MYO5B: variants seen among roughly 807,000 people sequenced by gnomAD.
MYO5B encodes the protein unconventional myosin-Vb.
In MYO5B, 143 loss-of-function variants were observed where a neutral mutation model predicts 229.3. The observed-to-expected ratio is 0.62, with a 90% CI of 0.54 to 0.72. The LOEUF (loss-of-function observed/expected upper bound fraction) is 0.72, where lower values mean the gene tolerates loss of function less well. Among genes scored for constraint, MYO5B ranks in the 30% least tolerant of loss-of-function variants. The pLI, the probability that MYO5B is intolerant of heterozygous loss-of-function variation, is 0.00. For missense variants in MYO5B, 2,321 were observed against 2,331.0 expected, an observed-to-expected ratio of 1.00 and a Z score of 0.09; for synonymous variants, 918 against 885.2, an observed-to-expected ratio of 1.04 and a Z score of -0.66.
chr18:49,955,418 G>C (rs2025481757), intron 12 of MYO5B, among the ~76,000 whole-genome samples: 1 of 152,228 alleles, frequency 6.6e-6, no homozygotes, highest in African/African-American at 2.4e-5. Context: ...TTACTGACCA[G>C]TATCAGTCCA....
At chr18:49,917,673 T>C (rs2025032044) in intron 17 of MYO5B, among the ~76,000 whole-genome samples, 1 of 152,156 alleles carries the variant, frequency 6.6e-6, no homozygotes, top group African/African-American at 2.4e-5. Flanking sequence ...TCCATTCCAT[T>C]CCACATTAAT....
chr18:49,962,444 G>A (rs1568049341), intron 11 of MYO5B, 38 bp from the exon 12 acceptor site: 9 of 1,613,798 alleles, frequency 5.6e-6, no homozygotes, highest in Non-Finnish European at 7.6e-6. Flanking sequence ...TGAACTGCAG[G>A]CACACCTTAA....
chr18:50,004,341 A>T (rs1458979164), intron 4 of MYO5B, among the ~76,000 whole-genome samples: 1 of 152,238 alleles, frequency 6.6e-6, no homozygotes, highest in Non-Finnish European at 1.5e-5. Flanking sequence ...ATCAAGAGTT[A>T]TAAAAAGAAA....
chr18:50,037,025 C>T, intron 3 of MYO5B, 31 bp from the exon 4 acceptor site: 5 of 1,613,818 alleles, frequency 3.1e-6, no homozygotes, highest in Non-Finnish European at 4.2e-6. Context: ...CAGATTCCGA[C>T]AGCACAGAAG....
At chr18:50,157,726 G>C (rs1266878408) in intron 1 of MYO5B, among the ~76,000 whole-genome samples, 2 of 152,062 alleles carry the variant, frequency 1.3e-5, no homozygotes, top group Non-Finnish European at 2.9e-5. Flanking sequence ...ATTTTCACCA[G>C]TGCCCAGCAA....
chr18:49,897,146 G>C (rs913757128), intron 21 of MYO5B, among the ~76,000 whole-genome samples: 1 of 152,072 alleles, frequency 6.6e-6, no homozygotes, highest in African/African-American at 2.4e-5. Context: ...TTGTGGAGGC[G>C]GTGCATTTTC....
intron 4 of MYO5B, among the ~76,000 whole-genome samples, chr18:50,027,180 T>A (rs999565858): frequency 1.3e-5 from 2 of 152,240 alleles, no homozygotes; most frequent in African/African-American, 2.4e-5. Context: ...TAGCTTTTTT[T>A]AAATGAAAAT....
chr18:49,958,930 C>T (rs1028715154), intron 12 of MYO5B, among the ~76,000 whole-genome samples: 1 of 152,152 alleles, frequency 6.6e-6, no homozygotes, highest in African/African-American at 2.4e-5. Context: ...TGATCATTCA[C>T]ATCTGAACCC....
At chr18:49,984,884 GTGACCCA>G in intron 7 of MYO5B, 59 bp from the exon 8 acceptor site, 1 of 1,246,420 alleles carries the variant, frequency 8.0e-7, no homozygotes, top group Non-Finnish European at 1.2e-6. Flanking sequence ...CCCACAGATC[GTGACCCA>G]TGAAAATTCT....
chr18:49,947,488 T>C (rs147505605), intron 14 of MYO5B, among the ~76,000 whole-genome samples: 9 of 152,336 alleles, frequency 5.9e-5, no homozygotes, highest in African/African-American at 2.2e-4. Context: ...ATTTTTATTT[T>C]TTAATTGACG....
At chr18:49,853,697 A>C (rs775385443) in intron 30 of MYO5B, 50 bp from the exon 31 acceptor site, 2 of 1,555,498 alleles carry the variant, frequency 1.3e-6, no homozygotes, top group Non-Finnish European at 1.7e-6. Context: ...CAGGGCCCCC[A>C]TCTGAGGGGA....
intron 1 of MYO5B, among the ~76,000 whole-genome samples, chr18:50,139,732 C>T (rs142462037): frequency 3.7e-4 from 57 of 152,192 alleles, no homozygotes; most frequent in Non-Finnish European, 5.1e-4. Flanking sequence ...CCACATGTCC[C>T]GAGAAGATGC....
intron 1 of MYO5B, among the ~76,000 whole-genome samples, chr18:50,095,751 G>T (rs2031537893): frequency 6.6e-6 from 1 of 152,204 alleles, no homozygotes; most frequent in Non-Finnish European, 1.5e-5. Context: ...AATGACTACA[G>T]TGCAGGGAGC....
At chr18:49,844,652 T>C (rs1206449648) in intron 33 of MYO5B, among the ~76,000 whole-genome samples, 1 of 152,268 alleles carries the variant, frequency 6.6e-6, no homozygotes, top group Non-Finnish European at 1.5e-5. Context: ...GGCCATTTTA[T>C]AGGTCCAGCA....
chr18:50,151,226 T>A (rs1599060038), intron 1 of MYO5B, among the ~76,000 whole-genome samples: 1 of 152,360 alleles, frequency 6.6e-6, no homozygotes, highest in African/African-American at 2.4e-5. Flanking sequence ...GTACCAAGGC[T>A]TTGTAGTTCA....
At chr18:50,129,328 G>A (rs553354653) in intron 1 of MYO5B, among the ~76,000 whole-genome samples, 1 of 152,320 alleles carries the variant, frequency 6.6e-6, no homozygotes, top group East Asian at 1.9e-4. Flanking sequence ...CTCCTCAAGG[G>A]AACTTCAACA....
At position 49,904,798 on chromosome 18, in the gene MYO5B, C is replaced by T. The variant is rs372848572; in HGVS notation, c.2445G>A (p.Ala815=). ...RLAEHLRRIR[A]AVVLQKHYRM... Reference sequence around the variant, plus strand: ...GGTAATGTTTCTGGAGCACCACAGCCGCTCTGATCCTCCGCAGGTGCTCAG... The same window carrying T: ...GGTAATGTTTCTGGAGCACCACAGCTGCTCTGATCCTCCGCAGGTGCTCAG... Residue 815 remains alanine, a synonymous_variant, in exon 20 of 40, where the codon GCG becomes GCA. Coordinates refer to ENST00000285039, the MANE Select transcript of MYO5B (RefSeq NM_001080467.3). 4.3e-6 allele frequency: 7 copies of T among 1,613,896 alleles called. No homozygotes were observed. The highest frequency in any genetic ancestry group is 1.1e-5 in the South Asian group (1 of 91,088).
chr18:49,985,103 A>G (rs944563759), intron 7 of MYO5B, among the ~76,000 whole-genome samples: 1 of 152,226 alleles, frequency 6.6e-6, no homozygotes, highest in East Asian at 1.9e-4. Context: ...CATATACGTC[A>G]CAGACAATTC....
chr18:50,090,448 G>A (rs911329520), intron 1 of MYO5B, among the ~76,000 whole-genome samples: 9 of 152,076 alleles, frequency 5.9e-5, no homozygotes, highest in African/African-American at 2.2e-4. Context: ...GGGACTCCAG[G>A]AAATGACAGC....
Sources: gnomAD v4.1 joint callset for allele counts (sites outside exome capture counted in the v4.1 genomes callset) on GRCh38, gnomAD v4.1.1 for gene constraint, MANE v1.5 for transcripts, NCBI Gene and HGNC (gene_info 2026-07-23, HGNC 2026-07-21) for gene names.